Variants in SMOX observed in about 807,000 individuals in gnomAD.
SMOX encodes spermine oxidase.
A neutral mutation model predicts 51.0 loss-of-function variants in SMOX; 22 were observed. The ratio of observed to expected loss-of-function variants is 0.43; its 90% CI spans 0.31 to 0.62. The LOEUF (loss-of-function observed/expected upper bound fraction) is 0.62, where lower values mean the gene tolerates loss of function less well. Ranked by LOEUF, SMOX falls within the 20% of genes least tolerant of loss-of-function variation. The pLI is 0.10. For synonymous variants in SMOX, 282 were observed against 307.8 expected (o/e 0.92, Z 0.88); for missense variants, 566 against 777.7 (o/e 0.73, Z 3.24).
At chr20:4,175,394 T>C in intron 2 of SMOX, 131 bp downstream of exon 2, 1 of 1,123,288 alleles carries the variant, frequency 8.9e-7, no homozygotes, top group East Asian at 2.6e-5. Context: ...GCCTGGGCAT[T>C]TTCCAGAAGC....
Position 4,167,835 on chromosome 20 carries a change from G to T in SMOX, c.-26-7195G>T, listed in dbSNP as rs533610603. On this transcript the variant is annotated intron_variant, in intron 1 of 6. Coordinates refer to ENST00000305958, the MANE Select transcript of SMOX (RefSeq NM_175839.3). This position sits in a 1 kb window ranked among gnomAD's most constrained non-coding sequence, Gnocchi z 4.8. ...CAGCCTGAGTGAGGAGGCTGGGGAGGGTCTGGCTGGGAGGAGTTGGGGCCC... is the reference window on the plus strand; with the variant it reads ...CAGCCTGAGTGAGGAGGCTGGGGAGTGTCTGGCTGGGAGGAGTTGGGGCCC... 1.3e-3 allele frequency among the ~76,000 whole-genome samples: 199 copies of T among 152,228 alleles called. 1 individual carries two copies. The highest frequency in any genetic ancestry group is 4.6e-3 in the African/African-American group (190 of 41,530).
In SMOX at chr20:4,182,661, C is replaced by A. The variant is rs897854422; in HGVS notation, c.1182C>A (p.Ser394Arg). Reference protein sequence around the residue: ...LQFVWEDEAESHTLTYPPELW... With the variant: ...LQFVWEDEAERHTLTYPPELW... ...TTGTGTGGGAGGACGAAGCAGAGAG[C>A]CACACCCTCACCTACCCACCTGAGC... The change falls in exon 5 of 7, where the codon AGC (serine) becomes AGA (arginine). Residue 394 changes from serine to arginine, a missense_variant. Transcript: ENST00000305958. This position sits in a 1 kb window ranked among gnomAD's most constrained non-coding sequence, Gnocchi z 8.4. The A allele has an allele frequency of 6.2e-7, 1 of 1,614,032 alleles. No individual in the cohort carries two copies. The highest frequency in any genetic ancestry group is 8.5e-7 in the Non-Finnish European group (1 of 1,180,018).
intron 1 of SMOX, among the ~76,000 whole-genome samples, chr20:4,164,014 A>G (rs1741310): frequency 0.53 from 80,655 of 152,016 alleles, 22,616 homozygotes; most frequent in East Asian, 0.63. Context: ...GCTGGTGGCC[A>G]CATAAATTGT....
intron 1 of SMOX, among the ~76,000 whole-genome samples, chr20:4,161,040 T>C (rs765122727): frequency 1.1e-4 from 16 of 152,154 alleles, no homozygotes; most frequent in Non-Finnish European, 2.1e-4. Flanking sequence ...CCTCAGTTCT[T>C]GTAAGTGGTT....
chr20:4,186,648 C>T (rs748251324), intron 6 of SMOX: 2 of 728,520 alleles, frequency 2.7e-6, no homozygotes, highest in Non-Finnish European at 5.1e-6. Flanking sequence ...GACACTGGGC[C>T]TCTTTTCTGG....
chr20:4,182,308 G>A lies in SMOX; in HGVS notation c.829G>A (p.Glu277Lys), dbSNP rs1462111747. The A allele has an allele frequency of 3.1e-6, 5 of 1,603,062 alleles. No homozygotes were observed. Among genetic ancestry groups the A allele is most frequent in the Non-Finnish European group, 4.3e-6 (5 of 1,172,212 alleles). ...DQASARPRGPEIEPRGEGDHN... is the reference protein window; with the variant it reads ...DQASARPRGPKIEPRGEGDHN... ...GGCCTCAGCCCGCCCCAGAGGCCCT[G>A]AGATTGAGCCCCGGGGTGAGGGCGA... Residue 277 changes from glutamate to lysine, a missense_variant, in exon 5 of 7, where the codon GAG becomes AAG. By Grantham distance (56) the Glu-to-Lys change is moderately conservative (BLOSUM62 1). Coordinates refer to ENST00000305958, the MANE Select transcript of SMOX (RefSeq NM_175839.3). The surrounding 1 kb of genome is among the most constrained non-coding windows in gnomAD (Gnocchi z 8.4).
Position 4,187,640 on chromosome 20 carries a change from C to T in SMOX, c.*233C>T. The T allele has an allele frequency of 1.8e-6, 1 of 540,712 alleles. No homozygotes were observed. Among genetic ancestry groups the T allele is most frequent in the Non-Finnish European group, 3.2e-6 (1 of 309,742 alleles). The allele number at this position is 540,712 out of a possible 1,614,324, so 33.5% of individuals were successfully genotyped here. On this transcript the variant is annotated 3_prime_UTR_variant, in exon 7 of 7. Transcript: ENST00000305958. This position sits in a 1 kb window ranked among gnomAD's most constrained non-coding sequence, Gnocchi z 4.8. Reference sequence around the variant, plus strand: ...GTGCTGGATCCCGTGCCCCCACTTGCCTACCCTCTGTCCTGCCTTGTTATT... The same window carrying T: ...GTGCTGGATCCCGTGCCCCCACTTGTCTACCCTCTGTCCTGCCTTGTTATT...
chr20:4,183,670 G>A lies in SMOX; in HGVS notation c.1530+16G>A, dbSNP rs1314134122. 6.5e-7 allele frequency: 1 copy of A among 1,548,658 alleles called. No individual in the cohort carries two copies. Among genetic ancestry groups the A allele is most frequent in the East Asian group, 2.2e-5 (1 of 44,450 alleles). Reference sequence around the variant, plus strand: ...AAAGACAGCGGTAAGCGGGGCGTTTGGGGTGAGGAGGGGAGTTGTGGGTGT... The same window carrying A: ...AAAGACAGCGGTAAGCGGGGCGTTTAGGGTGAGGAGGGGAGTTGTGGGTGT... On this transcript the variant is annotated intron_variant, in intron 6 of 6. Coordinates refer to ENST00000305958, the MANE Select transcript of SMOX (RefSeq NM_175839.3). This position sits in a 1 kb window ranked among gnomAD's most constrained non-coding sequence, Gnocchi z 4.3.
intron 6 of SMOX, among the ~76,000 whole-genome samples, chr20:4,184,839 C>T (rs1253400364): frequency 1.3e-5 from 2 of 152,212 alleles, no homozygotes. Context: ...AAAGCAAACA[C>T]AACTGTGACT....
At chr20:4,152,506 C>G (rs1467554565) in intron 1 of SMOX, among the ~76,000 whole-genome samples, 1 of 151,304 alleles carries the variant, frequency 6.6e-6, no homozygotes, top group East Asian at 2.0e-4. Context: ...GAGCTGACCC[C>G]TGGACAGGGG....
chr20:4,159,933 A>G (rs369230028), intron 1 of SMOX, among the ~76,000 whole-genome samples: 1 of 152,232 alleles, frequency 6.6e-6, no homozygotes. Flanking sequence ...TTAGGAGAGC[A>G]CAGTTAATGT....
At chr20:4,171,548 C>G (rs541110698) in intron 1 of SMOX, among the ~76,000 whole-genome samples, 24 of 152,238 alleles carry the variant, frequency 1.6e-4, no homozygotes, top group African/African-American at 5.5e-4. Context: ...GATTGACAGG[C>G]TTATCTGGGA....
Position 4,153,922 on chromosome 20 carries a change from C to T in SMOX, c.-27+4945C>T, listed in dbSNP as rs141526067. Reference sequence around the variant, plus strand: ...GTTAGCTGTGGTCAGCACCTGGCATCTCCTGTGCCCCAGCCTGGTGTTCAG... The same window carrying T: ...GTTAGCTGTGGTCAGCACCTGGCATTTCCTGTGCCCCAGCCTGGTGTTCAG... On this transcript the variant is annotated intron_variant, in intron 1 of 6. Coordinates refer to ENST00000305958, the MANE Select transcript of SMOX (RefSeq NM_175839.3). This position sits in a 1 kb window ranked among gnomAD's most constrained non-coding sequence, Gnocchi z 4.4. Among the ~76,000 whole-genome samples, 3 of 152,334 alleles carry T rather than the reference C, an allele frequency of 2.0e-5. No homozygotes were observed. The highest frequency in any genetic ancestry group is 4.4e-5 in the Non-Finnish European group (3 of 68,030).
At chr20:4,160,496 T>TG (rs1379355881) in intron 1 of SMOX, among the ~76,000 whole-genome samples, 1 of 152,080 alleles carries the variant, frequency 6.6e-6, no homozygotes, top group Non-Finnish European at 1.5e-5. Context: ...CTGAACCTCT[T>TG]GGGGCCTGTT....
intron 1 of SMOX, among the ~76,000 whole-genome samples, chr20:4,160,924 C>T (rs532566746): frequency 6.6e-6 from 1 of 152,138 alleles, no homozygotes; most frequent in South Asian, 2.1e-4. Flanking sequence ...ATGGGCTTGC[C>T]GGAGACCCCA....
At chr20:4,186,444 G>A (rs1979740731) in intron 6 of SMOX, among the ~76,000 whole-genome samples, 1 of 152,172 alleles carries the variant, frequency 6.6e-6, no homozygotes, top group Admixed American at 6.5e-5. Flanking sequence ...ACCTCACCTA[G>A]ACAGCCTGCT....
chr20:4,182,294 G>A lies in SMOX; in HGVS notation c.815G>A (p.Arg272His), dbSNP rs145030123. 31 of 1,605,732 alleles carry A rather than the reference G, an allele frequency of 1.9e-5. No homozygotes were observed. Among genetic ancestry groups the A allele is most frequent in the Middle Eastern group, 1.7e-4 (1 of 6,026 alleles). ...RCIHWDQASARPRGPEIEPRG... is the reference protein window; with the variant it reads ...RCIHWDQASAHPRGPEIEPRG... ...ATTCACTGGGACCAGGCCTCAGCCCGCCCCAGAGGCCCTGAGATTGAGCCC... is the reference window on the plus strand; with the variant it reads ...ATTCACTGGGACCAGGCCTCAGCCCACCCCAGAGGCCCTGAGATTGAGCCC... Residue 272 changes from arginine to histidine, a missense_variant, in exon 5 of 7, where the codon CGC becomes CAC. By Grantham distance (29) the Arg-to-His change is conservative (BLOSUM62 0). Coordinates refer to ENST00000305958, the MANE Select transcript of SMOX (RefSeq NM_175839.3). This position sits in a 1 kb window ranked among gnomAD's most constrained non-coding sequence, Gnocchi z 8.4.
Position 4,177,300 on chromosome 20 carries a change from C to G in SMOX, c.209-51C>G, listed in dbSNP as rs143606778. The stretch of plus-strand genomic sequence containing the variant: ...GAAGGAGGGGGAAGCAGTGCTGGCC[C>G]TCTCTGGAGAAGTCCCTAAGCCTCT... On this transcript the variant is annotated intron_variant, in intron 2 of 6. Coordinates refer to ENST00000305958, the MANE Select transcript of SMOX (RefSeq NM_175839.3). The surrounding 1 kb of genome is among the most constrained non-coding windows in gnomAD (Gnocchi z 4.3). 5 of 1,484,578 alleles carry G rather than the reference C, an allele frequency of 3.4e-6. No homozygotes were observed. Among genetic ancestry groups the G allele is most frequent in the Admixed American group, 2.0e-5 (1 of 50,266 alleles). The allele number at this position is 1,484,578 out of a possible 1,614,324, so 92.0% of individuals were successfully genotyped here.
rs906609806 is a variant in SMOX at position 4,153,532 on chromosome 20, G to C, written c.-27+4555G>C. On this transcript the variant is annotated intron_variant, in intron 1 of 6. Transcript: ENST00000305958. The surrounding 1 kb of genome is among the most constrained non-coding windows in gnomAD (Gnocchi z 4.4). ...TAGGCAGGTGACCTGGCCTCCCAGGGACCTGGCTGGCTGGCTGAGGAACGG... is the reference window on the plus strand; with the variant it reads ...TAGGCAGGTGACCTGGCCTCCCAGGCACCTGGCTGGCTGGCTGAGGAACGG... Among the ~76,000 whole-genome samples the C allele has an allele frequency of 6.6e-6, 1 of 152,142 alleles. No individual in the cohort carries two copies. The highest frequency in any genetic ancestry group is 1.5e-5 in the Non-Finnish European group (1 of 68,014).
Sources: gnomAD v4.1 joint callset for allele counts (sites outside exome capture counted in the v4.1 genomes callset) on GRCh38, gnomAD v4.1.1 for gene constraint, Gnocchi (gnomAD v3.1) non-coding constraint, MANE v1.5 for transcripts, NCBI Gene and HGNC (gene_info 2026-07-23, HGNC 2026-07-21) for gene names.